Variants in JAK3 observed in about 807,000 individuals in gnomAD.
The protein encoded by JAK3 is tyrosine-protein kinase JAK3.
Under a neutral mutation model 120.8 loss-of-function variants are expected in JAK3, and 88 were observed. The ratio of observed to expected loss-of-function variants is 0.73; its 90% CI spans 0.61 to 0.87. The LOEUF (loss-of-function observed/expected upper bound fraction) is 0.87. JAK3 is among the 40% of genes least tolerant of loss of function. The pLI is 0.00. For synonymous variants in JAK3, 592 were observed against 628.6 expected, an observed-to-expected ratio of 0.94 and a Z score of 0.87; for missense variants, 1,254 against 1,501.4, an observed-to-expected ratio of 0.84 and a Z score of 2.72.
At chr19:17,845,048 A>ATT (rs2094249059) in intron 1 of JAK3, among the ~76,000 whole-genome samples, 1 of 152,182 alleles carries the variant, frequency 6.6e-6, no homozygotes, top group Non-Finnish European at 1.5e-5. Context: ...AGATCTGAAG[A>ATT]AAGTGTTGGG....
At chr19:17,840,404 G>A in intron 8 of JAK3, 63 bp from the exon 9 acceptor site, 1 of 1,131,170 alleles carries the variant, frequency 8.8e-7, no homozygotes, top group Non-Finnish European at 1.3e-6. Context: ...GAGAGACCTG[G>A]GCTCAAATTC....
At position 17,832,935 on chromosome 19, in the gene JAK3, G is replaced by C. The variant is rs202183603; in HGVS notation, c.2351-6C>G. ...GTCTGAGAGGAGCTCATAGTCTGGGGTGGGGGCATGGGCAGTGGTAAGCAG... is the reference window on the plus strand; with the variant it reads ...GTCTGAGAGGAGCTCATAGTCTGGGCTGGGGGCATGGGCAGTGGTAAGCAG... On this transcript the variant is annotated splice_polypyrimidine_tract_variant and splice_region_variant and intron_variant, in intron 17 of 23. Transcript: ENST00000458235. The surrounding 1 kb of genome is among the most constrained non-coding windows in gnomAD (Gnocchi z 4.7). The C allele has an allele frequency of 1.2e-6, 2 of 1,612,134 alleles. No individual in the cohort carries two copies. Among genetic ancestry groups the C allele is most frequent in the East Asian group, 2.2e-5 (1 of 44,844 alleles).
chr19:17,827,048 C>T (rs565873774), intron 23 of JAK3, 138 bp from the exon 24 acceptor site: 33 of 926,918 alleles, frequency 3.6e-5, no homozygotes, highest in Admixed American at 7.9e-5. Context: ...GGCATGATCT[C>T]GGCTCACTGC....
In JAK3 at chr19:17,824,968, G is replaced by A. The variant is rs1305980712; in HGVS notation, c.*1775C>T. 2 of 221,638 alleles carry A rather than the reference G, an allele frequency of 9.0e-6. No individual in the cohort carries two copies. Among genetic ancestry groups the A allele is most frequent in the African/African-American group, 4.5e-5 (2 of 44,708 alleles). The allele number at this position is 221,638 out of a possible 1,614,324, so 13.7% of individuals were successfully genotyped here. ...GGCTACAGTAGTAGTGGGGGTATAT[G>A]AGGGAAGGCTGCAAGGATGTGGTAG... On this transcript the variant is annotated 3_prime_UTR_variant, in exon 24 of 24. Transcript: ENST00000458235.
Position 17,826,402 on chromosome 19 carries a change from T to TA in JAK3, c.*340dup, listed in dbSNP as rs886054276. On this transcript the variant is annotated 3_prime_UTR_variant, in exon 24 of 24. Transcript: ENST00000458235. ...TCTGTCTCAAAAATAAAAATAAAAA[T>TA]AAAAAAAATAAAAAGAGAGAGACAG... 6.5e-5 allele frequency: 20 copies of TA among 308,128 alleles called. No homozygotes were observed. The highest frequency in any genetic ancestry group is 2.5e-4 in the African/African-American group (12 of 47,194). 19.1% of individuals were successfully genotyped at this position (308,128 alleles called of 1,614,324 possible). A position where few individuals can be genotyped will look rare whatever the true frequency, so the allele number is the denominator to read the frequency against.
Position 17,843,707 on chromosome 19 carries a change from T to C in JAK3, c.308+70A>G. On this transcript the variant is annotated intron_variant, in intron 3 of 23. Coordinates refer to ENST00000458235, the MANE Select transcript of JAK3 (RefSeq NM_000215.4). The surrounding 1 kb of genome is among the most constrained non-coding windows in gnomAD (Gnocchi z 5.4). ...TGACCATACCTCCCTGGGGCAGGGG[T>C]GTGGGCACCTCGAAATGCAAGGAGA... 1 of 1,572,256 alleles carries C rather than the reference T, an allele frequency of 6.4e-7. No homozygotes were observed.
rs2094228290 is a variant in JAK3, at chr19:17,837,958, C to A, written c.1675G>T (p.Asp559Tyr). The change falls in exon 12 of 24, where the codon GAT becomes TAT. Residue 559 changes from aspartate to tyrosine, a missense_variant. Transcript: ENST00000458235. ...RKTEVLLKVM[D>Y]AKHKNCMESF... is the part of the protein sequence containing the mutation. ...TCCATGCAGTTCTTGTGCTTGGCAT[C>A]CATGACCTTCAGCAGCACCTCTGTC... The A allele has an allele frequency of 6.2e-7, 1 of 1,614,010 alleles. No individual in the cohort carries two copies. Among genetic ancestry groups the A allele is most frequent in the Admixed American group, 1.7e-5 (1 of 59,982 alleles).
In JAK3 at chr19:17,830,655, G is replaced by A. The variant is rs146775984; in HGVS notation, c.2979-35C>T. On this transcript the variant is annotated intron_variant, in intron 21 of 23. Transcript: ENST00000458235. ...GGACAAGGTCTTGAGATGCGAGGGT[G>A]TAGAAAGGACAGGAAGAGGGGGGCA... 3.2e-6 allele frequency: 5 copies of A among 1,563,304 alleles called. No homozygotes were observed. The African/African-American group carries it at 6.8e-5, about 21-fold the overall frequency.
Position 17,842,983 on chromosome 19 carries a change from T to C in JAK3, c.566+44A>G. The C allele has an allele frequency of 1.2e-6, 2 of 1,606,092 alleles. No homozygotes were observed. Among genetic ancestry groups the C allele is most frequent in the Non-Finnish European group, 1.7e-6 (2 of 1,179,408 alleles). On this transcript the variant is annotated intron_variant, in intron 5 of 23. Coordinates refer to ENST00000458235, the MANE Select transcript of JAK3 (RefSeq NM_000215.4). This position sits in a 1 kb window ranked among gnomAD's most constrained non-coding sequence, Gnocchi z 6.4. Reference sequence around the variant, plus strand: ...AAAGCCCCGATGGAGCCCACGTTGCTCACTCCCAAGCAGAGGCCGTCCCCA... The same window carrying C: ...AAAGCCCCGATGGAGCCCACGTTGCCCACTCCCAAGCAGAGGCCGTCCCCA...
At chr19:17,838,602 G>A (rs1573620) in intron 10 of JAK3, among the ~76,000 whole-genome samples, 1 of 152,186 alleles carries the variant, frequency 6.6e-6, no homozygotes, top group Non-Finnish European at 1.5e-5. Flanking sequence ...TGGGTGGGCA[G>A]TGGTGCGATC....
chr19:17,830,182 G>A lies in JAK3; in HGVS notation c.3133C>T (p.Pro1045Ser). 3 of 1,592,578 alleles carry A rather than the reference G, an allele frequency of 1.9e-6. No individual in the cohort carries two copies. The highest frequency in any genetic ancestry group is 2.7e-5 in the African/African-American group (2 of 74,628). Residue 1045 changes from proline to serine, a missense_variant, in exon 23 of 24, where the codon CCC (proline) becomes TCC (serine). Pro to Ser is a moderately conservative substitution (Grantham distance 74). Transcript: ENST00000458235. Reference sequence around the variant, plus strand: ...AGTTCCAAGAGGCGGCAGAGGGCGGGGACATCCCGCTCACATCCCATCATC... The same window carrying A: ...AGTTCCAAGAGGCGGCAGAGGGCGGAGACATCCCGCTCACATCCCATCATC... ...LRMMGCERDV[P>S]ALCRLLELLE...
chr19:17,834,468 C>T, intron 17 of JAK3, 103 bp downstream of exon 17: 1 of 1,352,728 alleles, frequency 7.4e-7, no homozygotes, highest in South Asian at 1.2e-5. Flanking sequence ...ACCCCTCCAA[C>T]CTCACCAGAC....
chr19:17,830,292 G>T (rs981563293), intron 22 of JAK3, 74 bp from the exon 23 acceptor site: 9 of 1,219,438 alleles, frequency 7.4e-6, no homozygotes, highest in Non-Finnish European at 1.1e-5. Flanking sequence ...ACCCGTGGTG[G>T]GGGTAGGGGC....
In JAK3 at chr19:17,838,406, G is replaced by C. The variant is rs2147689218; in HGVS notation, c.1442-16C>G. 1.2e-6 allele frequency: 2 copies of C among 1,614,182 alleles called. No individual in the cohort carries two copies. The highest frequency in any genetic ancestry group is 8.5e-7 in the Non-Finnish European group (1 of 1,180,026). On this transcript the variant is annotated splice_polypyrimidine_tract_variant and intron_variant, in intron 10 of 23. Coordinates refer to ENST00000458235, the MANE Select transcript of JAK3 (RefSeq NM_000215.4). ...TTGGACTTTTCTATGGGGAGAGGAT[G>C]AGGGAGAAAAACCAGAAATCAGAGG...
chr19:17,844,089 AC>A (rs2094246301), intron 2 of JAK3, 144 bp downstream of exon 2: 5 of 1,144,380 alleles, frequency 4.4e-6, no homozygotes, highest in Non-Finnish European at 6.4e-6. Flanking sequence ...AACCCTGCAC[AC>A]CCTTCTCCAT....
In JAK3 at chr19:17,832,908, G is replaced by A; in HGVS notation, c.2372C>T (p.Pro791Leu). ...ACGAGGTGCCAGGGCACCAGGTGTG[G>A]GGTCTGAGAGGAGCTCATAGTCTGG... ...ISSDYELLSD[P>L]TPGALAPRDG... is the part of the protein sequence containing the mutation. The change falls in exon 18 of 24, where the codon CCC becomes CTC. Residue 791 changes from proline (P) to leucine (L), a missense_variant. Around this residue, in one of 3 missense-constraint regions of JAK3, gnomAD observed 630 missense variants for 819.8 expected, o/e 0.77. Coordinates refer to ENST00000458235, the MANE Select transcript of JAK3 (RefSeq NM_000215.4). This position sits in a 1 kb window ranked among gnomAD's most constrained non-coding sequence, Gnocchi z 4.7. The A allele has an allele frequency of 4.3e-6, 7 of 1,614,040 alleles. No individual in the cohort carries two copies. The highest frequency in any genetic ancestry group is 5.9e-6 in the Non-Finnish European group (7 of 1,179,978).
rs750687910 is a variant in JAK3, at chr19:17,840,280, G to A, written c.1204C>T (p.Arg402Cys). Residue 402 changes from arginine (R) to cysteine (C), a missense_variant, in exon 9 of 24, where the codon CGC becomes TGC. Coordinates refer to ENST00000458235, the MANE Select transcript of JAK3 (RefSeq NM_000215.4). ...CTGTCAAAGTCCTGGGGGCTGCGGC[G>A]GAGAACATAGGAGCCAGGACGTGAG... is the stretch of plus-strand genomic sequence containing the variant. Reference protein sequence around the residue: ...GGSRPGSYVLRRSPQDFDSFL... With the variant: ...GGSRPGSYVLCRSPQDFDSFL... 7 of 1,613,946 alleles carry A rather than the reference G, an allele frequency of 4.3e-6. No individual in the cohort carries two copies. The highest frequency in any genetic ancestry group is 1.6e-4 in the Middle Eastern group (1 of 6,062).
Position 17,842,945 on chromosome 19 carries a change from G to A in JAK3, c.566+82C>T. On this transcript the variant is annotated intron_variant, in intron 5 of 23. Coordinates refer to ENST00000458235, the MANE Select transcript of JAK3 (RefSeq NM_000215.4). The surrounding 1 kb of genome is among the most constrained non-coding windows in gnomAD (Gnocchi z 6.4). ...TGAAAGCTTGCAGGAGAACTCCATG[G>A]TGGGAGCCCGGCAAAGCCCCGATGG... is the stretch of plus-strand genomic sequence containing the variant. 1 of 1,573,940 alleles carries A rather than the reference G, an allele frequency of 6.4e-7. No homozygotes were observed. The highest frequency in any genetic ancestry group is 2.2e-5 in the East Asian group (1 of 44,702).
Position 17,839,652 on chromosome 19 carries a change from A to G in JAK3, c.1266T>C (p.Gly422=). ...GGATGAGGCAGCCCTTATAATCAGGACCAAGGGGGTTCTGCAAAGAAGAGT... is the reference window on the plus strand; with the variant it reads ...GGATGAGGCAGCCCTTATAATCAGGGCCAAGGGGGTTCTGCAAAGAAGAGT... ...LLTVCVQNPL[G]PDYKGCLIRR... Residue 422 remains glycine, a synonymous_variant, in exon 10 of 24, where the codon GGT becomes GGC. Transcript: ENST00000458235. 1 of 1,610,286 alleles carries G rather than the reference A, an allele frequency of 6.2e-7. No homozygotes were observed. Among genetic ancestry groups the G allele is most frequent in the Non-Finnish European group, 8.5e-7 (1 of 1,178,928 alleles).
Sources: gnomAD v4.1 joint callset for allele counts (sites outside exome capture counted in the v4.1 genomes callset) on GRCh38, gnomAD v4.1.1 for gene constraint, gnomAD v4.1.1 regional missense constraint, Gnocchi (gnomAD v3.1) non-coding constraint, MANE v1.5 for transcripts, NCBI Gene and HGNC (gene_info 2026-07-23, HGNC 2026-07-21) for gene names.